Variants in GUCY2C observed in about 807,000 individuals in gnomAD.
GUCY2C encodes the protein guanylyl cyclase C.
In GUCY2C, 118 loss-of-function variants were observed where a neutral mutation model predicts 131.1. That is an observed-to-expected ratio of 0.90 (90% confidence interval 0.78 to 1.05). The LOEUF (loss-of-function observed/expected upper bound fraction) is 1.05, where lower values mean the gene tolerates loss of function less well. GUCY2C is among the 50% of genes least tolerant of loss of function. The pLI is 0.00. For missense variants in GUCY2C, 1,161 were observed against 1,304.4 expected (o/e 0.89, Z 1.69); for synonymous variants, 452 against 457.8 (o/e 0.99, Z 0.16).
In GUCY2C at chr12:14,641,139, G is replaced by A; in HGVS notation, c.2011C>T (p.Gln671Ter). The A allele has an allele frequency of 6.2e-7, 1 of 1,613,634 alleles. No individual in the cohort carries two copies. Among genetic ancestry groups the A allele is most frequent in the Non-Finnish European group, 8.5e-7 (1 of 1,179,710 alleles). Residue 671 changes from glutamine (Q) to a stop codon, truncating the protein, a stop_gained, in exon 18 of 27, where the codon CAG (glutamine) becomes TAG (stop). Coordinates refer to ENST00000261170, the MANE Select transcript of GUCY2C (RefSeq NM_004963.4). LOFTEE classifies it high-confidence loss of function. ...GDVYSYGIIA[Q>*]EIILRKETFY... is the part of the protein sequence containing the mutation. ...GTTTCTTTCCGCAGGATGATCTCCT[G>A]TGCGATGATCCCATAGCTGTACACA...
At chr12:14,673,550 A>G (rs1948159480) in intron 8 of GUCY2C, among the ~76,000 whole-genome samples, 1 of 152,210 alleles carries the variant, frequency 6.6e-6, no homozygotes, top group African/African-American at 2.4e-5. Flanking sequence ...TAAGTGATTT[A>G]TATGCATTAT....
At chr12:14,642,470 T>C (rs1947428995) in intron 17 of GUCY2C, among the ~76,000 whole-genome samples, 1 of 152,242 alleles carries the variant, frequency 6.6e-6, no homozygotes, top group Admixed American at 6.5e-5. Context: ...AATATGTTTA[T>C]GATGATGCAC....
intron 1 of GUCY2C, among the ~76,000 whole-genome samples, chr12:14,694,115 T>TAATTTATAGGTGTGG (rs1397477540): frequency 6.6e-5 from 10 of 152,236 alleles, no homozygotes; most frequent in Admixed American, 2.6e-4. Flanking sequence ...CCACTTATTC[T>TAATTTATAGGTGTGG]AATTTATAGG....
At chr12:14,632,701 G>T (rs534139720) in intron 19 of GUCY2C, among the ~76,000 whole-genome samples, 1 of 152,302 alleles carries the variant, frequency 6.6e-6, no homozygotes, top group Admixed American at 6.5e-5. Flanking sequence ...TGAAGCCAGT[G>T]CCTGTACACA....
chr12:14,668,147 G>A (rs1364694646), intron 10 of GUCY2C, among the ~76,000 whole-genome samples: 1 of 150,838 alleles, frequency 6.6e-6, no homozygotes, highest in African/African-American at 2.4e-5. Context: ...GGGACCACAG[G>A]TATGCACCTC....
At position 14,651,519 on chromosome 12, in the gene GUCY2C, A is replaced by T. The variant is rs745852406; in HGVS notation, c.1606-8T>A. On this transcript the variant is annotated splice_region_variant and splice_polypyrimidine_tract_variant and intron_variant, in intron 14 of 26. Transcript: ENST00000261170. ...ATAGTCAATCTGAAGCAACTAGAAG[A>T]ACGTGTTTGTTTACAAAGCAAATTA... The T allele has an allele frequency of 6.6e-7, 1 of 1,505,176 alleles. No individual in the cohort carries two copies. The highest frequency in any genetic ancestry group is 9.2e-7 in the Non-Finnish European group (1 of 1,084,098). The allele number at this position is 1,505,176 out of a possible 1,614,324, so 93.2% of individuals were successfully genotyped here.
intron 7 of GUCY2C, among the ~76,000 whole-genome samples, chr12:14,675,314 G>A (rs1948211726): frequency 1.3e-5 from 2 of 150,452 alleles, no homozygotes; most frequent in South Asian, 4.2e-4. Flanking sequence ...GTCTTCTCTT[G>A]GAATCAATAA....
At chr12:14,676,082 A>G (rs1481403023) in intron 7 of GUCY2C, among the ~76,000 whole-genome samples, 1 of 152,050 alleles carries the variant, frequency 6.6e-6, no homozygotes, top group African/African-American at 2.4e-5. Context: ...TTGCCATCCC[A>G]AAGTTGTTTA....
intron 18 of GUCY2C, among the ~76,000 whole-genome samples, chr12:14,640,641 A>G (rs1023873843): frequency 2.6e-5 from 4 of 152,172 alleles, no homozygotes; most frequent in Admixed American, 2.6e-4. Flanking sequence ...GTTAGCACGT[A>G]ATAAATGCTC....
At chr12:14,616,472 C>T (rs1946764392) in intron 25 of GUCY2C, among the ~76,000 whole-genome samples, 161 bp downstream of exon 25, 1 of 152,100 alleles carries the variant, frequency 6.6e-6, no homozygotes, top group South Asian at 2.1e-4. Flanking sequence ...TTTGAGTTCA[C>T]ATTTTTTGGT....
rs779611131 is a variant in GUCY2C, at chr12:14,683,302, TA to T, written c.396-46del. On this transcript the variant is annotated intron_variant, in intron 3 of 26. Transcript: ENST00000261170. ...AAAAAAGCCATTATCAGTATTAACTTAAGTAGCACAAATAAGATCCCTCTTT... is the reference window on the plus strand; with the variant it reads ...AAAAAAGCCATTATCAGTATTAACTTAGTAGCACAAATAAGATCCCTCTTT... 23 of 1,178,958 alleles carry T rather than the reference TA, an allele frequency of 2.0e-5. No individual in the cohort carries two copies. In the Admixed American group the frequency reaches 2.6e-4, roughly 13 times the overall value. 73.0% of individuals were successfully genotyped at this position (1,178,958 alleles called of 1,614,324 possible). A position where few individuals can be genotyped will look rare whatever the true frequency, so the allele number is the denominator to read the frequency against.
rs143930092 is a variant in GUCY2C, at chr12:14,614,918, C to A, written c.2996G>T (p.Trp999Leu). 1.9e-6 allele frequency: 3 copies of A among 1,582,754 alleles called. No individual in the cohort carries two copies. The highest frequency in any genetic ancestry group is 2.6e-6 in the Non-Finnish European group (3 of 1,167,376). Residue 999 changes from tryptophan to leucine, a missense_variant, in exon 26 of 27, where the codon TGG (tryptophan) becomes TTG (leucine). Trp to Leu is a moderately conservative substitution (Grantham distance 61). Transcript: ENST00000261170. ...LKGRGNETTYWLTGMKDQKFN... is the reference protein window; with the variant it reads ...LKGRGNETTYLLTGMKDQKFN... ...TTTCTGGTCCTTCATCCCAGTCAGC[C>A]AGTAGGTAGTCTCATTTCCTCTTCC...
At position 14,622,358 on chromosome 12, in the gene GUCY2C, C is replaced by T. The variant is rs35858278; in HGVS notation, c.2409-161G>A. ...AAACAGAGGTTGTGTATATCATATA[C>T]ATGAACATATTACACAAATACACAT... is the stretch of plus-strand genomic sequence containing the variant. On this transcript the variant is annotated intron_variant, in intron 21 of 26. Transcript: ENST00000261170. 9.0e-3 allele frequency among the ~76,000 whole-genome samples: 1,365 copies of T among 152,284 alleles called. 19 individuals carry two copies. Among genetic ancestry groups the T allele is most frequent in the Middle Eastern group, 0.014 (4 of 294 alleles).
chr12:14,662,675 C>CA (rs35153087), intron 10 of GUCY2C, among the ~76,000 whole-genome samples: 2,847 of 71,446 alleles, frequency 0.04, 86 homozygotes, highest in African/African-American at 0.082. Flanking sequence ...GACTCCGTCT[C>CA]AAAAAAAAAA....
chr12:14,682,981 G>T, intron 4 of GUCY2C, 61 bp downstream of exon 4: 2 of 1,144,018 alleles, frequency 1.7e-6, no homozygotes, highest in East Asian at 4.8e-5. Context: ...TAGGTGGCCT[G>T]CATGATCCTA....
At chr12:14,686,046 CA>C in intron 3 of GUCY2C, 114 bp downstream of exon 3, 1 of 668,386 alleles carries the variant, frequency 1.5e-6, no homozygotes. Flanking sequence ...GGGGAGATGG[CA>C]AAATACTAGA....
intron 14 of GUCY2C, 116 bp from the exon 15 acceptor site, chr12:14,651,627 A>C: frequency 1.5e-6 from 1 of 648,982 alleles, no homozygotes; most frequent in African/African-American, 1.8e-5. Context: ...GTGTTGTCTT[A>C]ACAAATTGAA....
intron 21 of GUCY2C, among the ~76,000 whole-genome samples, chr12:14,625,225 C>T (rs967736864): frequency 3.3e-5 from 5 of 152,144 alleles, no homozygotes; most frequent in African/African-American, 7.2e-5. Flanking sequence ...GGCTCCAGCT[C>T]GGGCTTCTTG....
chr12:14,676,832 A>G (rs548613090), intron 7 of GUCY2C, 22 bp downstream of exon 7: 5 of 792,762 alleles, frequency 6.3e-6, no homozygotes, highest in East Asian at 2.9e-5. Context: ...AATTTATACT[A>G]TAACATAAAA....
Sources: allele counts gnomAD v4.1 joint callset (sites outside exome capture counted in the v4.1 genomes callset), GRCh38; gene constraint gnomAD v4.1.1; transcripts MANE v1.5; gene names NCBI Gene and HGNC (gene_info 2026-07-23, HGNC 2026-07-21).